The following CNBD1 variants were observed in gnomAD, a reference collection of about 807,000 sequenced individuals.
CNBD1 encodes the protein cyclic nucleotide binding domain containing 1.
In CNBD1, 71 loss-of-function variants were observed where a neutral mutation model predicts 54.4. The ratio of observed to expected loss-of-function variants is 1.30; its 90% CI spans 1.08 to 1.59. CNBD1 has a LOEUF of 1.59. CNBD1 is among the 40% of genes most tolerant of loss of function. The pLI, the probability that CNBD1 is intolerant of heterozygous loss-of-function variation, is 0.00. For synonymous variants in CNBD1, 182 were observed against 170.7 expected, an observed-to-expected ratio of 1.07 and a Z score of -0.51; for missense variants, 659 against 518.0, an observed-to-expected ratio of 1.27 and a Z score of -2.64.
chr8:87,402,444 T>G (rs1398705086), intron 2 of CNBD1, among the ~76,000 whole-genome samples: 1 of 152,072 alleles, frequency 6.6e-6, no homozygotes, highest in Non-Finnish European at 1.5e-5. Flanking sequence ...TTAATTTCCA[T>G]TTGAGGCATA....
At chr8:87,005,539 T>A (rs1809080623) in intron 4 of CNBD1, among the ~76,000 whole-genome samples, 1 of 151,960 alleles carries the variant, frequency 6.6e-6, no homozygotes, top group South Asian at 2.1e-4. Context: ...ATTCCATAAT[T>A]CGTATCCATG....
At chr8:87,103,002 A>G (rs1353519941) in intron 4 of CNBD1, among the ~76,000 whole-genome samples, 1 of 152,170 alleles carries the variant, frequency 6.6e-6, no homozygotes, top group East Asian at 1.9e-4. Flanking sequence ...TGATTCAGGC[A>G]ATTTGTTTTA....
chr8:87,281,084 C>G (rs577198572), intron 6 of CNBD1, among the ~76,000 whole-genome samples: 1 of 151,560 alleles, frequency 6.6e-6, no homozygotes, highest in African/African-American at 2.4e-5. Context: ...ATAAAGTAGA[C>G]CATGATTATT....
chr8:87,115,197 T>G (rs1811743896), intron 4 of CNBD1, among the ~76,000 whole-genome samples: 1 of 152,196 alleles, frequency 6.6e-6, no homozygotes, highest in African/African-American at 2.4e-5. Flanking sequence ...CACATTCATC[T>G]CAGGCAAATA....
At chr8:87,165,476 G>T (rs1324207084) in intron 4 of CNBD1, among the ~76,000 whole-genome samples, 2 of 151,832 alleles carry the variant, frequency 1.3e-5, no homozygotes, top group Non-Finnish European at 2.9e-5. Flanking sequence ...TCCTCTCAAT[G>T]GATCGACACT....
intron 4 of CNBD1, among the ~76,000 whole-genome samples, chr8:87,078,972 T>C (rs907055583): frequency 1.3e-5 from 2 of 152,116 alleles, no homozygotes; most frequent in African/African-American, 2.4e-5. Flanking sequence ...GACAAAACTG[T>C]GTTACTCCCA....
chr8:87,148,146 A>G (rs1812528190), intron 4 of CNBD1, among the ~76,000 whole-genome samples: 1 of 152,140 alleles, frequency 6.6e-6, no homozygotes, highest in Non-Finnish European at 1.5e-5. Context: ...ATTTTTCTGA[A>G]TGGTGCTTTT....
At chr8:87,359,535 T>A (rs1028577049) in intron 10 of CNBD1, among the ~76,000 whole-genome samples, 44 of 152,202 alleles carry the variant, frequency 2.9e-4, no homozygotes, top group African/African-American at 1.0e-3. Context: ...AAGGGCTAGA[T>A]AATTCTAATG....
intron 8 of CNBD1, among the ~76,000 whole-genome samples, chr8:87,307,766 A>ATATATATATATATATAT (rs1563546010): frequency 1.3e-5 from 2 of 149,150 alleles, no homozygotes; most frequent in African/African-American, 4.9e-5. Context: ...ATATATATAT[A>ATATATATATATATATAT]ACTTAGCAAG....
chr8:86,997,237 A>T (rs1036522650), intron 4 of CNBD1, among the ~76,000 whole-genome samples: 51 of 152,286 alleles, frequency 3.3e-4, no homozygotes, highest in African/African-American at 1.2e-3. Context: ...GCAGTGCCAT[A>T]TTTAGAGAAG....
At chr8:87,111,433 A>G (rs1811659557) in intron 4 of CNBD1, among the ~76,000 whole-genome samples, 1 of 152,192 alleles carries the variant, frequency 6.6e-6, no homozygotes, top group Non-Finnish European at 1.5e-5. Flanking sequence ...AACCTTTAAA[A>G]TATGTAGGTA....
rs367603809 is a variant in CNBD1 at position 87,355,732 on chromosome 8, A to G, written c.1303+1946A>G. On this transcript the variant is annotated intron_variant, in intron 10 of 10. Coordinates refer to ENST00000518476, the MANE Select transcript of CNBD1 (RefSeq NM_173538.3). The stretch of plus-strand genomic sequence containing the variant: ...AATTGAAAGTTGTTCATGATAAACC[A>G]TATAAGATTTGACTGAATACTGTTA... Among the ~76,000 whole-genome samples the G allele has an allele frequency of 7.0e-4, 107 of 152,304 alleles. No individual in the cohort carries two copies. In the East Asian group the frequency reaches 7.3e-3, roughly 10 times the overall value.
intron 8 of CNBD1, among the ~76,000 whole-genome samples, chr8:87,292,678 A>AT (rs1309824720): frequency 3.3e-5 from 5 of 152,218 alleles, no homozygotes; most frequent in Admixed American, 3.3e-4. Context: ...AAAAACAGCT[A>AT]AAGACTACAT....
At chr8:86,954,638 A>G (rs1807713352) in intron 4 of CNBD1, among the ~76,000 whole-genome samples, 1 of 152,186 alleles carries the variant, frequency 6.6e-6, no homozygotes, top group Non-Finnish European at 1.5e-5. Flanking sequence ...CTTTGTATGT[A>G]AATCTATTTT....
intron 8 of CNBD1, among the ~76,000 whole-genome samples, chr8:87,298,502 T>TTG (rs1417587706): frequency 1.3e-5 from 2 of 150,676 alleles, no homozygotes; most frequent in African/African-American, 4.9e-5. Context: ...TTTTTTTTTT[T>TTG]GAGATGGAGC....
At chr8:87,383,279 G>C (rs1447937013), downstream of CNBD1, among the ~76,000 whole-genome samples, 1 of 152,020 alleles carries the variant, frequency 6.6e-6, no homozygotes, top group Non-Finnish European at 1.5e-5. Flanking sequence ...TCATATTGTA[G>C]TATAGTTTCA....
At chr8:87,177,447 T>G (rs575028979) in intron 4 of CNBD1, among the ~76,000 whole-genome samples, 1 of 152,334 alleles carries the variant, frequency 6.6e-6, no homozygotes, top group Admixed American at 6.5e-5. Context: ...GAAGTATTTT[T>G]TCTTCAAGAA....
At chr8:87,402,092 A>T (rs1807575754) in intron 2 of CNBD1, among the ~76,000 whole-genome samples, 1 of 152,074 alleles carries the variant, frequency 6.6e-6, no homozygotes, top group Admixed American at 6.6e-5. Flanking sequence ...AAGGTGAAGG[A>T]GGAATGAAGG....
chr8:87,141,366 G>A (rs1162035358), intron 4 of CNBD1, among the ~76,000 whole-genome samples: 1 of 152,122 alleles, frequency 6.6e-6, no homozygotes, highest in Non-Finnish European at 1.5e-5. Context: ...GGAAGAGACT[G>A]TGTAAACATA....
Sources: gnomAD v4.1 joint callset for allele counts (sites outside exome capture counted in the v4.1 genomes callset) on GRCh38, gnomAD v4.1.1 for gene constraint, MANE v1.5 for transcripts, NCBI Gene and HGNC (gene_info 2026-07-23, HGNC 2026-07-21) for gene names.